Variants in BTBD8 observed in about 807,000 individuals in gnomAD.
BTBD8 encodes BTB/POZ domain-containing protein 8.
BTBD8 carries 110 observed loss-of-function variants against 162.9 expected under a neutral mutation model. The ratio of observed to expected loss-of-function variants is 0.68; its 90% CI spans 0.58 to 0.79. The LOEUF (loss-of-function observed/expected upper bound fraction) is 0.79, where lower values mean the gene tolerates loss of function less well. BTBD8 is among the 30% of genes least tolerant of loss of function. The probability of loss-of-function intolerance (pLI) is 0.00; values close to 1 mark genes in which losing one functional copy is unlikely to be tolerated. For missense variants in BTBD8, 1,905 were observed against 2,085.4 expected (o/e 0.91, Z 1.68); for synonymous variants, 667 against 716.1 (o/e 0.93, Z 1.10).
chr1:92,102,815 T>G, intron 3 of BTBD8, 146 bp downstream of exon 3: 1 of 615,378 alleles, frequency 1.6e-6, no homozygotes, highest in Non-Finnish European at 2.4e-6. Flanking sequence ...TATTGTTAAC[T>G]CCCAGTTTTT....
chr1:92,181,917 ATAAT>A lies in BTBD8; in HGVS notation c.4240_4243del (p.Asn1414Ter). On this transcript the variant is annotated frameshift_variant, in exon 17 of 18. Transcript: ENST00000636805. LOFTEE classifies it high-confidence loss of function. ...CCCAGCTCCTCAGCAGTTTCAGGGA[ATAAT>A]TAATTTAGCTTTTGAAGATGCAACT... The A allele has an allele frequency of 1.9e-6, 3 of 1,551,454 alleles. No individual in the cohort carries two copies. The highest frequency in any genetic ancestry group is 2.6e-6 in the Non-Finnish European group (3 of 1,146,820).
chr1:92,182,068 C>T lies in BTBD8; in HGVS notation c.4385C>T (p.Ser1462Phe). 1.9e-6 allele frequency: 3 copies of T among 1,551,554 alleles called. No homozygotes were observed. Among genetic ancestry groups the T allele is most frequent in the Middle Eastern group, 1.7e-4 (1 of 5,990 alleles). The change falls in exon 17 of 18, where the codon TCT becomes TTT. Residue 1462 changes from serine (S) to phenylalanine (F), a missense_variant. Physicochemically the swap from Ser to Phe is radical, Grantham distance 155. Transcript: ENST00000636805. ...EGEVHTPFQA[S>F]VDSFSPSDVF... The stretch of plus-strand genomic sequence containing the variant: ...GAAGTCCATACTCCCTTTCAGGCTT[C>T]TGTAGATTCTTTTTCACCTTCTGAT...
At chr1:92,112,048 AGTTATT>A (rs1289509276) in intron 4 of BTBD8, among the ~76,000 whole-genome samples, 2 of 152,216 alleles carry the variant, frequency 1.3e-5, no homozygotes, top group Admixed American at 1.3e-4. Context: ...GAAAGAGAAA[AGTTATT>A]GTTCCAGTGA....
At chr1:92,129,487 TAAAAC>T (rs920323516) in intron 4 of BTBD8, among the ~76,000 whole-genome samples, 195 bp from the exon 5 acceptor site, 5 of 150,934 alleles carry the variant, frequency 3.3e-5, no homozygotes, top group African/African-American at 7.3e-5. Context: ...TCCTGTCTCT[TAAAAC>T]AAAAAACAAA....
At chr1:92,128,214 T>G (rs927143504) in intron 4 of BTBD8, among the ~76,000 whole-genome samples, 8 of 151,994 alleles carry the variant, frequency 5.3e-5, no homozygotes, top group African/African-American at 1.9e-4. Context: ...CCTCCTGGGT[T>G]CAAGCCATTC....
chr1:92,166,575 C>A (rs899774394), intron 9 of BTBD8, among the ~76,000 whole-genome samples: 11 of 151,788 alleles, frequency 7.2e-5, no homozygotes, highest in Non-Finnish European at 1.6e-4. Context: ...CAGGCATGCA[C>A]CACCATGCCT....
chr1:92,178,590 A>G (rs1309653544), intron 16 of BTBD8, 139 bp downstream of exon 16: 1 of 694,806 alleles, frequency 1.4e-6, no homozygotes, highest in South Asian at 2.2e-5. Flanking sequence ...CACCATAGAG[A>G]TGAGATTGTA....
chr1:92,167,267 A>G, intron 10 of BTBD8, 127 bp downstream of exon 10: 1 of 1,202,482 alleles, frequency 8.3e-7, no homozygotes, highest in Non-Finnish European at 1.1e-6. Flanking sequence ...TCCATAGCAG[A>G]TGGCATGTTT....
At chr1:92,101,978 G>A (rs544129945) in intron 2 of BTBD8, among the ~76,000 whole-genome samples, 23 of 152,150 alleles carry the variant, frequency 1.5e-4, no homozygotes, top group Non-Finnish European at 2.9e-4. Context: ...GATTACAGGC[G>A]TGAGCCATCA....
chr1:92,110,123 T>C (rs1648850204), intron 4 of BTBD8, among the ~76,000 whole-genome samples: 1 of 152,204 alleles, frequency 6.6e-6, no homozygotes. Flanking sequence ...GCTCTGTCCA[T>C]TCTTTACCAT....
Position 92,184,506 on chromosome 1 carries a change from A to G in BTBD8, c.*176A>G. On this transcript the variant is annotated 3_prime_UTR_variant, in exon 18 of 18. Transcript: ENST00000636805. ...ATCACATATAGAAAAATGTTTTTCT[A>G]AAGTTTTTGAGCATGTTTTCTCTAA... 2.3e-6 allele frequency: 1 copy of G among 436,180 alleles called. No individual in the cohort carries two copies. Among genetic ancestry groups the G allele is most frequent in the Non-Finnish European group, 4.0e-6 (1 of 250,154 alleles). The allele number at this position is 436,180 out of a possible 1,614,324, so 27.0% of individuals were successfully genotyped here.
chr1:92,096,033 G>A (rs189779249), intron 2 of BTBD8, among the ~76,000 whole-genome samples: 237 of 151,592 alleles, frequency 1.6e-3, no homozygotes, highest in African/African-American at 5.5e-3. Flanking sequence ...TGGCAGTGGC[G>A]TGATCTTGGC....
intron 3 of BTBD8, among the ~76,000 whole-genome samples, chr1:92,107,150 C>T (rs936533647): frequency 2.0e-5 from 3 of 151,750 alleles, no homozygotes; most frequent in Non-Finnish European, 4.4e-5. Flanking sequence ...GTCATAGTAA[C>T]CTAGAGACCC....
chr1:92,138,428 AGCAATGC>A (rs1649685396), intron 5 of BTBD8, among the ~76,000 whole-genome samples: 1 of 152,268 alleles, frequency 6.6e-6, no homozygotes, highest in South Asian at 2.1e-4. Flanking sequence ...TTTTCAGATT[AGCAATGC>A]TCAACCTGTA....
rs762028391 is a variant in BTBD8 at position 92,178,403 on chromosome 1, G to C, written c.2533G>C (p.Ala845Pro). 48 of 1,551,394 alleles carry C rather than the reference G, an allele frequency of 3.1e-5. No individual in the cohort carries two copies. The highest frequency in any genetic ancestry group is 4.0e-5 in the Non-Finnish European group (46 of 1,146,810). The part of the protein sequence containing the change: ...KRGTSNGCTA[A>P]QQRTKSTPSN... ...AGGAACTAGCAATGGATGTACTGCA[G>C]CTCAGCAGAGGACAAAGAGTACCCC... Residue 845 changes from alanine (A) to proline (P), a missense_variant, in exon 16 of 18, where the codon GCT (alanine) becomes CCT (proline). Transcript: ENST00000636805.
intron 4 of BTBD8, among the ~76,000 whole-genome samples, chr1:92,127,242 A>G (rs1387108748): frequency 6.6e-6 from 1 of 152,238 alleles, no homozygotes; most frequent in African/African-American, 2.4e-5. Context: ...AATTCTGATT[A>G]GACCTTTATC....
chr1:92,130,859 C>T (rs951599008), intron 5 of BTBD8, among the ~76,000 whole-genome samples: 17 of 152,090 alleles, frequency 1.1e-4, no homozygotes, highest in South Asian at 2.1e-4. Flanking sequence ...TGCGCCACCA[C>T]GCCTGGCTAA....
chr1:92,092,770 G>A (rs1054724949), intron 2 of BTBD8, among the ~76,000 whole-genome samples: 3 of 152,130 alleles, frequency 2.0e-5, no homozygotes, highest in Non-Finnish European at 4.4e-5. Context: ...ATGTCCTTAT[G>A]TATCTTTTAT....
intron 2 of BTBD8, among the ~76,000 whole-genome samples, chr1:92,095,820 A>G (rs1648434300): frequency 1.3e-5 from 2 of 152,132 alleles, no homozygotes; most frequent in Admixed American, 1.3e-4. Context: ...CAAATCCTAA[A>G]TAGTGCTGTT....
Sources: gnomAD v4.1 joint callset for allele counts (sites outside exome capture counted in the v4.1 genomes callset) on GRCh38, gnomAD v4.1.1 for gene constraint, MANE v1.5 for transcripts, NCBI Gene and HGNC (gene_info 2026-07-23, HGNC 2026-07-21) for gene names.